DOCK7: variants seen among roughly 807,000 people sequenced by gnomAD.
The protein encoded by DOCK7 is dedicator of cytokinesis 7, also known as dedicator of cytokinesis protein 7.
DOCK7 carries 138 observed loss-of-function variants against 271.0 expected under a neutral mutation model. The ratio of observed to expected loss-of-function variants is 0.51; its 90% CI spans 0.44 to 0.59. DOCK7 has a LOEUF of 0.59. Among genes scored for constraint, DOCK7 ranks in the 20% least tolerant of loss-of-function variants. DOCK7 has a pLI of 0.00. For missense variants in DOCK7, 2,066 were observed against 2,592.4 expected, an observed-to-expected ratio of 0.80 and a Z score of 4.41; for synonymous variants, 823 against 876.1, an observed-to-expected ratio of 0.94 and a Z score of 1.07.
chr1:62,655,054 T>G (rs1451715904), intron 2 of DOCK7, among the ~76,000 whole-genome samples: 1 of 152,242 alleles, frequency 6.6e-6, no homozygotes, highest in African/African-American at 2.4e-5. Flanking sequence ...AAATTTCTTT[T>G]GTTTTAAGCC....
chr1:62,664,707 A>G (rs928314535), intron 1 of DOCK7, among the ~76,000 whole-genome samples: 6 of 152,010 alleles, frequency 3.9e-5, no homozygotes, highest in South Asian at 2.1e-4. Context: ...GAGAGAATGT[A>G]TAAGAACTTT....
At position 62,611,823 on chromosome 1, in the gene DOCK7, T is replaced by C. The variant is rs544134792; in HGVS notation, c.1682+6883A>G. On this transcript the variant is annotated intron_variant, in intron 14 of 49. Transcript: ENST00000635253. ...AAATTCTAAAGAGATCATAAAACAT[T>C]TCATTTGTTATTGAGGTTAACTTTT... 2.6e-5 allele frequency among the ~76,000 whole-genome samples: 4 copies of C among 152,054 alleles called. No individual in the cohort carries two copies. The South Asian group carries it at 6.3e-4, about 24-fold the overall frequency.
intron 31 of DOCK7, among the ~76,000 whole-genome samples, chr1:62,526,694 G>A (rs1343442128): frequency 6.6e-6 from 1 of 151,962 alleles, no homozygotes; most frequent in African/African-American, 2.4e-5. Flanking sequence ...ACTGACAAAT[G>A]GATAAACAAA....
intron 8 of DOCK7, chr1:62,635,140 A>C (rs1655101893): frequency 2.9e-6 from 1 of 348,206 alleles, no homozygotes; most frequent in African/African-American, 2.1e-5. Context: ...TCTCAAAAAA[A>C]TTACTTATTT....
chr1:62,461,119 CT>C (rs1276546166), intron 48 of DOCK7: 1 of 152,134 alleles, frequency 6.6e-6, no homozygotes, highest in East Asian at 1.9e-4. Context: ...GTGGGTAGTC[CT>C]TTAACCATAA....
At chr1:62,580,886 A>C (rs574498654) in intron 16 of DOCK7, among the ~76,000 whole-genome samples, 154 of 152,342 alleles carry the variant, frequency 1.0e-3, no homozygotes, top group African/African-American at 3.6e-3. Flanking sequence ...ATTTCACAAC[A>C]TGTGAAAATA....
At chr1:62,492,037 C>T (rs1162990105) in intron 41 of DOCK7, among the ~76,000 whole-genome samples, 1 of 151,838 alleles carries the variant, frequency 6.6e-6, no homozygotes, top group Non-Finnish European at 1.5e-5. Context: ...AAAGTGAAAC[C>T]CCATCCCTAC....
chr1:62,598,113 T>A (rs558636010), intron 14 of DOCK7: 38 of 1,470,916 alleles, frequency 2.6e-5, no homozygotes, highest in Middle Eastern at 4.8e-4. Flanking sequence ...GTGGATCTTT[T>A]AAAAAAAATA....
chr1:62,512,254 T>G (rs1379779335), intron 33 of DOCK7, among the ~76,000 whole-genome samples: 1 of 152,176 alleles, frequency 6.6e-6, no homozygotes, highest in African/African-American at 2.4e-5. Flanking sequence ...GCTGTTGGCA[T>G]GTATCATCTA....
At chr1:62,632,240 CTTATT>C (rs1456935012) in intron 10 of DOCK7, among the ~76,000 whole-genome samples, 1 of 152,138 alleles carries the variant, frequency 6.6e-6, no homozygotes, top group African/African-American at 2.4e-5. Flanking sequence ...TAAAACAGTT[CTTATT>C]TTAAGTATAT....
chr1:62,670,241 G>A (rs1659813584), intron 1 of DOCK7, among the ~76,000 whole-genome samples: 1 of 152,250 alleles, frequency 6.6e-6, no homozygotes, highest in African/African-American at 2.4e-5. Context: ...ACAGCGCCCA[G>A]TCCCATCAAC....
chr1:62,526,956 G>C lies in DOCK7; in HGVS notation c.3936+1195C>G, dbSNP rs533886027. On this transcript the variant is annotated intron_variant, in intron 31 of 49. Transcript: ENST00000635253. ...AATAGGTATAAGGAATCTTTTCAGC[G>C]TATTGGAAATGTTCTAAAATTAGCT... Among the ~76,000 whole-genome samples, 36 of 152,204 alleles carry C rather than the reference G, an allele frequency of 2.4e-4. No homozygotes were observed. In the East Asian group the frequency reaches 6.0e-3, roughly 25 times the overall value.
intron 1 of DOCK7, among the ~76,000 whole-genome samples, chr1:62,682,599 G>A (rs1661297149): frequency 6.6e-6 from 1 of 152,160 alleles, no homozygotes; most frequent in African/African-American, 2.4e-5. Context: ...AAAAGTCAAA[G>A]TTTCCTAGCC....
chr1:62,562,667 G>A (rs1346759152), intron 18 of DOCK7, among the ~76,000 whole-genome samples: 2 of 152,024 alleles, frequency 1.3e-5, no homozygotes, highest in Non-Finnish European at 2.9e-5. Flanking sequence ...AGACTGAAAG[G>A]TAGAGAGAAA....
intron 31 of DOCK7, among the ~76,000 whole-genome samples, chr1:62,525,212 T>C (rs1282707119): frequency 1.3e-5 from 2 of 151,854 alleles, no homozygotes; most frequent in African/African-American, 4.8e-5. Flanking sequence ...TTTTACCATG[T>C]TGGCCAGGTT....
chr1:62,652,083 A>C (rs530413598), intron 4 of DOCK7, among the ~76,000 whole-genome samples: 3 of 152,298 alleles, frequency 2.0e-5, no homozygotes, highest in Admixed American at 2.0e-4. Flanking sequence ...ATCCTAAATA[A>C]ATAAATAAAT....
chr1:62,569,902 C>T (rs951361626), intron 18 of DOCK7, among the ~76,000 whole-genome samples: 13 of 151,904 alleles, frequency 8.6e-5, no homozygotes, highest in African/African-American at 2.2e-4. Flanking sequence ...TTAGTAGAGA[C>T]GGGGTTTCAC....
intron 48 of DOCK7, among the ~76,000 whole-genome samples, chr1:62,468,075 T>C (rs376412708): frequency 1.3e-5 from 2 of 152,026 alleles, no homozygotes; most frequent in Non-Finnish European, 2.9e-5. Flanking sequence ...ATTAAAAGCA[T>C]CAAGGCCGGG....
At chr1:62,479,360 C>G (rs950454484) in intron 43 of DOCK7, among the ~76,000 whole-genome samples, 5 of 151,986 alleles carry the variant, frequency 3.3e-5, no homozygotes, top group African/African-American at 1.2e-4. Flanking sequence ...GTATTTGGAG[C>G]TAAAGAAAGT....
Sources: allele counts gnomAD v4.1 joint callset (sites outside exome capture counted in the v4.1 genomes callset), GRCh38; gene constraint gnomAD v4.1.1; transcripts MANE v1.5; gene names NCBI Gene and HGNC (gene_info 2026-07-23, HGNC 2026-07-21).